Variants in SGCZ observed in about 807,000 individuals in gnomAD.
SGCZ encodes the protein sarcoglycan zeta.
SGCZ carries 40 observed loss-of-function variants against 41.3 expected under a neutral mutation model. The observed-to-expected ratio is 0.97, with a 90% CI of 0.75 to 1.26. The LOEUF is 1.26. Among genes scored for constraint, SGCZ ranks in the 50% most tolerant of loss-of-function variants. SGCZ has a pLI of 0.00. For missense variants in SGCZ, 552 were observed against 369.8 expected, an observed-to-expected ratio of 1.49 and a Z score of -4.04; for synonymous variants, 206 against 137.5, an observed-to-expected ratio of 1.50 and a Z score of -3.49.
At position 14,703,672 on chromosome 8, in the gene SGCZ, T is replaced by C. The variant is rs183566404; in HGVS notation, c.40-148746A>G. On this transcript the variant is annotated intron_variant, in intron 1 of 7. Transcript: ENST00000382080. Reference sequence around the variant, plus strand: ...TTCTTGTATATTTCTAAAACCTTTATGGACAGCAGAAAACCAGTGTTTCCG... The same window carrying C: ...TTCTTGTATATTTCTAAAACCTTTACGGACAGCAGAAAACCAGTGTTTCCG... Among the ~76,000 whole-genome samples, 649 of 152,116 alleles carry C rather than the reference T, an allele frequency of 4.3e-3. 3 individuals are homozygous for C. Among genetic ancestry groups the C allele is most frequent in the Middle Eastern group, 6.8e-3 (2 of 294 alleles).
chr8:14,741,314 C>T, intron 1 of SGCZ, among the ~76,000 whole-genome samples: 1 of 151,986 alleles, frequency 6.6e-6, no homozygotes, highest in East Asian at 1.9e-4. Flanking sequence ...AGACCATCAA[C>T]CAAGAAATAA....
chr8:14,584,390 G>T (rs947110801), intron 1 of SGCZ, among the ~76,000 whole-genome samples: 1 of 152,062 alleles, frequency 6.6e-6, no homozygotes, highest in African/African-American at 2.4e-5. Context: ...AGAGATCTTG[G>T]AGGGCTTACA....
At chr8:15,131,528 C>T (rs1373629206) in intron 1 of SGCZ, among the ~76,000 whole-genome samples, 1 of 152,188 alleles carries the variant, frequency 6.6e-6, no homozygotes, top group Non-Finnish European at 1.5e-5. Context: ...CCAAATATAT[C>T]TTATGCGTAC....
chr8:14,779,940 G>C (rs984687795), intron 1 of SGCZ, among the ~76,000 whole-genome samples: 2 of 152,102 alleles, frequency 1.3e-5, no homozygotes, highest in East Asian at 1.9e-4. Context: ...TAAATTATAT[G>C]GATCTGTGTT....
intron 7 of SGCZ, among the ~76,000 whole-genome samples, chr8:14,097,119 T>C (rs1356551291): frequency 6.6e-6 from 1 of 152,162 alleles, no homozygotes; most frequent in Non-Finnish European, 1.5e-5. Flanking sequence ...ATCATAGTCA[T>C]TTCTTGTCTT....
chr8:14,702,731 T>TAGATA (rs149417372), intron 1 of SGCZ, among the ~76,000 whole-genome samples: 2,377 of 91,242 alleles, frequency 0.026, 68 homozygotes, highest in African/African-American at 0.059. Flanking sequence ...CTGGCTTCAA[T>TAGATA]GATAGATAGA....
chr8:14,422,760 C>A (rs1211248394), intron 2 of SGCZ, among the ~76,000 whole-genome samples: 2 of 152,186 alleles, frequency 1.3e-5, no homozygotes, highest in Non-Finnish European at 2.9e-5. Context: ...TACCCCAGAT[C>A]TCTTTTAGTT....
At chr8:15,160,144 G>GTA (rs1799466550) in intron 1 of SGCZ, among the ~76,000 whole-genome samples, 1 of 152,016 alleles carries the variant, frequency 6.6e-6, no homozygotes, top group East Asian at 1.9e-4. Context: ...TTGTAAAACT[G>GTA]AAACTCTGTA....
intron 3 of SGCZ, among the ~76,000 whole-genome samples, chr8:14,256,007 G>T (rs1210387163): frequency 6.6e-6 from 1 of 151,936 alleles, no homozygotes; most frequent in Non-Finnish European, 1.5e-5. Context: ...CTCACTTCGA[G>T]GAACATGCCT....
intron 4 of SGCZ, among the ~76,000 whole-genome samples, chr8:14,237,082 G>C (rs1806789274): frequency 6.6e-6 from 1 of 151,906 alleles, no homozygotes; most frequent in African/African-American, 2.4e-5. Context: ...CTAGAAAAGG[G>C]ATACACAGAC....
intron 1 of SGCZ, among the ~76,000 whole-genome samples, chr8:15,185,761 G>A (rs903719775): frequency 6.6e-6 from 1 of 152,084 alleles, no homozygotes; most frequent in African/African-American, 2.4e-5. Flanking sequence ...ATGATAAGAT[G>A]AAGTAATCTA....
At chr8:14,353,659 A>G (rs1297051071) in intron 2 of SGCZ, among the ~76,000 whole-genome samples, 1 of 151,990 alleles carries the variant, frequency 6.6e-6, no homozygotes, top group African/African-American at 2.4e-5. Flanking sequence ...TTTCTGCCCT[A>G]TCAGACAAAA....
intron 2 of SGCZ, among the ~76,000 whole-genome samples, chr8:14,442,289 T>G (rs1800293184): frequency 6.6e-6 from 1 of 152,016 alleles, no homozygotes; most frequent in Non-Finnish European, 1.5e-5. Flanking sequence ...ATAAGTATCA[T>G]GAGATCTGAT....
intron 1 of SGCZ, among the ~76,000 whole-genome samples, chr8:14,575,608 A>AGTTAAAAT (rs1186218316): frequency 2.0e-5 from 3 of 152,148 alleles, no homozygotes; most frequent in Admixed American, 6.5e-5. Flanking sequence ...AACACAGAGC[A>AGTTAAAAT]GTTAAAATGA....
At chr8:14,416,936 T>A (rs1469531914) in intron 2 of SGCZ, among the ~76,000 whole-genome samples, 4 of 151,870 alleles carry the variant, frequency 2.6e-5, no homozygotes, top group Non-Finnish European at 1.5e-5. Context: ...TGTGTGACAG[T>A]TTTCGTGTTA....
At chr8:14,443,360 C>T (rs532493251) in intron 2 of SGCZ, among the ~76,000 whole-genome samples, 29 of 152,144 alleles carry the variant, frequency 1.9e-4, no homozygotes, top group African/African-American at 6.8e-4. Flanking sequence ...CAAGTCAATC[C>T]TAAGCCAAAA....
At position 15,181,659 on chromosome 8, in the gene SGCZ, A is replaced by G. The variant is rs146780845; in HGVS notation, c.39+55926T>C. On this transcript the variant is annotated intron_variant, in intron 1 of 7. Transcript: ENST00000382080. ...GCAGTGAACATTTTGATACGCTAAAAAAAAGTCACCTAAAAAGCAGATAAC... is the reference window on the plus strand; with the variant it reads ...GCAGTGAACATTTTGATACGCTAAAGAAAAGTCACCTAAAAAGCAGATAAC... Among the ~76,000 whole-genome samples the G allele has an allele frequency of 5.4e-3, 830 of 152,328 alleles. 1 individual carries two copies. The highest frequency in any genetic ancestry group is 9.3e-3 in the Non-Finnish European group (631 of 68,026).
At chr8:14,580,189 A>G (rs1804842272) in intron 1 of SGCZ, among the ~76,000 whole-genome samples, 2 of 152,202 alleles carry the variant, frequency 1.3e-5, no homozygotes, top group Non-Finnish European at 2.9e-5. Flanking sequence ...GCCTAAGAGT[A>G]AAATGGGTCA....
intron 1 of SGCZ, among the ~76,000 whole-genome samples, chr8:15,231,673 G>T (rs549293516): frequency 1.5e-5 from 2 of 134,428 alleles, no homozygotes; most frequent in East Asian, 4.4e-4. Flanking sequence ...CCAGGCTGGA[G>T]TCCAGTGGCA....
Sources: allele counts gnomAD v4.1 joint callset (sites outside exome capture counted in the v4.1 genomes callset), GRCh38; gene constraint gnomAD v4.1.1; transcripts MANE v1.5; gene names NCBI Gene and HGNC (gene_info 2026-07-23, HGNC 2026-07-21).